Variants in SRGAP1 observed in about 807,000 individuals in gnomAD.
The protein encoded by SRGAP1 is SLIT-ROBO Rho GTPase activating protein 1.
Under a neutral mutation model 121.9 loss-of-function variants are expected in SRGAP1, and 43 were observed. The ratio of observed to expected loss-of-function variants is 0.35; its 90% CI spans 0.28 to 0.46. The LOEUF (loss-of-function observed/expected upper bound fraction) is 0.46, where lower values mean the gene tolerates loss of function less well. SRGAP1 is among the 20% of genes least tolerant of loss of function. The pLI, the probability that SRGAP1 is intolerant of heterozygous loss-of-function variation, is 1.00. For synonymous variants in SRGAP1, 447 were observed against 485.4 expected, an observed-to-expected ratio of 0.92 and a Z score of 1.04; for missense variants, 1,102 against 1,350.9, an observed-to-expected ratio of 0.82 and a Z score of 2.89.
intron 1 of SRGAP1, among the ~76,000 whole-genome samples, chr12:63,969,485 A>G (rs1263809719): frequency 6.6e-6 from 1 of 152,096 alleles, no homozygotes; most frequent in African/African-American, 2.4e-5. Context: ...TGGCAGCAAA[A>G]TGTACTGTTT....
intron 6 of SRGAP1, among the ~76,000 whole-genome samples, chr12:64,044,722 C>T (rs919537700): frequency 1.6e-4 from 21 of 127,376 alleles, no homozygotes; most frequent in Non-Finnish European, 2.6e-4. Flanking sequence ...CACTCTGTCA[C>T]CCAGGCTTTA....
chr12:63,873,529 G>A (rs1170706531), intron 1 of SRGAP1, among the ~76,000 whole-genome samples: 4 of 129,992 alleles, frequency 3.1e-5, no homozygotes, highest in East Asian at 4.5e-4. Context: ...GTGAAAATCC[G>A]TCTCAAAAAA....
intron 8 of SRGAP1, among the ~76,000 whole-genome samples, chr12:64,075,206 G>A (rs975723999): frequency 2.6e-5 from 4 of 152,160 alleles, no homozygotes; most frequent in African/African-American, 4.8e-5. Context: ...ATAGATATTC[G>A]ATTAACTAAA....
At chr12:64,012,150 T>C (rs1460777042) in intron 3 of SRGAP1, among the ~76,000 whole-genome samples, 1 of 152,210 alleles carries the variant, frequency 6.6e-6, no homozygotes, top group Non-Finnish European at 1.5e-5. Flanking sequence ...TTCATTTTCA[T>C]GATGGAAAAA....
intron 14 of SRGAP1, among the ~76,000 whole-genome samples, chr12:64,095,758 C>T (rs1010552669): frequency 4.6e-5 from 7 of 151,898 alleles, no homozygotes; most frequent in South Asian, 2.1e-4. Context: ...ATTATGGGTA[C>T]GTAATAGTGT....
chr12:64,087,246 G>A (rs182322325), intron 11 of SRGAP1, among the ~76,000 whole-genome samples: 23 of 152,088 alleles, frequency 1.5e-4, no homozygotes, highest in East Asian at 1.2e-3. Flanking sequence ...TCTTTAATAG[G>A]CAGAGACAGT....
chr12:64,035,157 G>A (rs1417503471), intron 4 of SRGAP1, among the ~76,000 whole-genome samples: 1 of 152,054 alleles, frequency 6.6e-6, no homozygotes, highest in Non-Finnish European at 1.5e-5. Flanking sequence ...CATTGTAGGT[G>A]TATGTTAAGG....
intron 4 of SRGAP1, among the ~76,000 whole-genome samples, chr12:64,034,421 T>C (rs2136492323): frequency 6.6e-6 from 1 of 152,280 alleles, no homozygotes; most frequent in Middle Eastern, 3.4e-3. Flanking sequence ...CTTTATAAAT[T>C]ACCCAGTCTC....
chr12:64,110,943 T>A lies in SRGAP1; in HGVS notation c.1920-819T>A, dbSNP rs1036848018. On this transcript the variant is annotated intron_variant, in intron 16 of 21. Coordinates refer to ENST00000355086, the MANE Select transcript of SRGAP1 (RefSeq NM_020762.4). ...TTTTCTCCTTCCATTTGTCATATGT[T>A]CACCTGGATTTTACATTTCCTTTCA... Among the ~76,000 whole-genome samples, 4 of 152,328 alleles carry A rather than the reference T, an allele frequency of 2.6e-5. No individual in the cohort carries two copies. In the South Asian group the frequency reaches 8.3e-4, roughly 32 times the overall value.
chr12:63,992,861 T>G (rs968576329), intron 3 of SRGAP1, among the ~76,000 whole-genome samples: 2 of 152,176 alleles, frequency 1.3e-5, no homozygotes, highest in African/African-American at 4.8e-5. Context: ...CCTGGTTACT[T>G]TGGCATTTAG....
In SRGAP1 at chr12:64,151,150, C is replaced by T. The variant is rs10784382; in HGVS notation, c.*8478C>T. 68,638 of 151,586 alleles carry T rather than the reference C, an allele frequency of 0.45. 16,827 individuals are homozygous for T. Among genetic ancestry groups the T allele is most frequent in the East Asian group, 0.59 (3,018 of 5,126 alleles). The allele number at this position is 151,586 out of a possible 1,614,324, so 9.4% of individuals were successfully genotyped here. On this transcript the variant is annotated 3_prime_UTR_variant, in exon 22 of 22. Coordinates refer to ENST00000355086, the MANE Select transcript of SRGAP1 (RefSeq NM_020762.4). ...TTACTAGACTTCAACAAATACCAAC[C>T]CATGCCTCCATTTCCCAAACAGAAA... is the stretch of plus-strand genomic sequence containing the variant.
At chr12:63,883,751 C>G (rs991973641) in intron 1 of SRGAP1, among the ~76,000 whole-genome samples, 1 of 151,264 alleles carries the variant, frequency 6.6e-6, no homozygotes, top group Non-Finnish European at 1.5e-5. Flanking sequence ...CTCCACCTCC[C>G]GGGTTCACGC....
intron 2 of SRGAP1, among the ~76,000 whole-genome samples, chr12:63,986,209 C>T (rs1394648405): frequency 3.3e-5 from 5 of 150,930 alleles, no homozygotes; most frequent in African/African-American, 4.9e-5. Context: ...CTCTCCCCCC[C>T]GACACACACA....
At chr12:64,073,929 T>C (rs1659698510) in intron 8 of SRGAP1, among the ~76,000 whole-genome samples, 1 of 146,122 alleles carries the variant, frequency 6.8e-6, no homozygotes, top group Admixed American at 6.9e-5. Flanking sequence ...CCTTTAATTG[T>C]GTTTTAATTT....
At chr12:63,963,142 A>G (rs2032692388) in intron 1 of SRGAP1, among the ~76,000 whole-genome samples, 1 of 152,200 alleles carries the variant, frequency 6.6e-6, no homozygotes, top group South Asian at 2.1e-4. Context: ...AATATGTTCA[A>G]CAACAGCCAC....
At chr12:63,927,916 T>G (rs774938783) in intron 1 of SRGAP1, among the ~76,000 whole-genome samples, 16 of 152,220 alleles carry the variant, frequency 1.1e-4, no homozygotes, top group Non-Finnish European at 1.9e-4. Context: ...AGAGCCAACG[T>G]GCATTCAATA....
Position 64,146,783 on chromosome 12 carries a change from G to T in SRGAP1, c.*4111G>T, listed in dbSNP as rs1048974698. The T allele has an allele frequency of 6.6e-6, 1 of 152,002 alleles. No homozygotes were observed. Among genetic ancestry groups the T allele is most frequent in the African/African-American group, 2.4e-5 (1 of 41,342 alleles). The allele number at this position is 152,002 out of a possible 1,614,324, so 9.4% of individuals were successfully genotyped here. ...AAGTTGAGAACACAAGCTCCAGCTG[G>T]GCTGGAGAGTCAGGCTTGGTGCAGG... is the stretch of plus-strand genomic sequence containing the variant. On this transcript the variant is annotated 3_prime_UTR_variant, in exon 22 of 22. Transcript: ENST00000355086.
At chr12:63,995,083 C>T (rs907375740) in intron 3 of SRGAP1, among the ~76,000 whole-genome samples, 1 of 152,140 alleles carries the variant, frequency 6.6e-6, no homozygotes, top group African/African-American at 2.4e-5. Context: ...GGAGGTATAC[C>T]ATCAAATGGT....
At chr12:64,105,229 G>C (rs1221567746) in intron 15 of SRGAP1, among the ~76,000 whole-genome samples, 1 of 152,192 alleles carries the variant, frequency 6.6e-6, no homozygotes. Flanking sequence ...GTTGCAGCAT[G>C]TGTCAGAAAT....
Sources: gnomAD v4.1 joint callset for allele counts (sites outside exome capture counted in the v4.1 genomes callset) on GRCh38, gnomAD v4.1.1 for gene constraint, MANE v1.5 for transcripts, NCBI Gene and HGNC (gene_info 2026-07-23, HGNC 2026-07-21) for gene names.